Variants in GRIN2A observed in about 807,000 individuals in gnomAD.
The protein encoded by GRIN2A is glutamate ionotropic receptor NMDA type subunit 2A.
In GRIN2A, 22 loss-of-function variants were observed where a neutral mutation model predicts 113.4. That is an observed-to-expected ratio of 0.19 (90% CI 0.14 to 0.28). The LOEUF is 0.28. Ranked by LOEUF, GRIN2A falls within the 10% of genes least tolerant of loss-of-function variation. GRIN2A has a pLI of 1.00. For synonymous variants in GRIN2A, 827 were observed against 738.4 expected, an observed-to-expected ratio of 1.12 and a Z score of -1.94; for missense variants, 1,502 against 1,887.0, an observed-to-expected ratio of 0.80 and a Z score of 3.78.
intron 4 of GRIN2A, among the ~76,000 whole-genome samples, chr16:9,852,746 C>T (rs1484453290): frequency 6.6e-6 from 1 of 152,056 alleles, no homozygotes; most frequent in Non-Finnish European, 1.5e-5. Context: ...TCGTATATAC[C>T]AGATAAAGGA....
chr16:9,962,731 G>C (rs1186690554), intron 2 of GRIN2A, among the ~76,000 whole-genome samples: 1 of 152,062 alleles, frequency 6.6e-6, no homozygotes, highest in Admixed American at 6.5e-5. Flanking sequence ...CAGGGATCTA[G>C]AACTAGAAAT....
At chr16:9,921,140 TTTA>T (rs1251143675) in intron 3 of GRIN2A, among the ~76,000 whole-genome samples, 1 of 152,222 alleles carries the variant, frequency 6.6e-6, no homozygotes, top group Non-Finnish European at 1.5e-5. Flanking sequence ...TTCTGCCTGT[TTTA>T]TTATTGGCAA....
At chr16:9,897,583 C>T (rs1179716113) in intron 3 of GRIN2A, among the ~76,000 whole-genome samples, 3 of 151,920 alleles carry the variant, frequency 2.0e-5, no homozygotes, top group African/African-American at 2.4e-5. Context: ...TTGAAGACTT[C>T]GTATTTTTCA....
chr16:9,778,578 G>C (rs1199543765), intron 11 of GRIN2A, among the ~76,000 whole-genome samples: 1 of 152,212 alleles, frequency 6.6e-6, no homozygotes, highest in Non-Finnish European at 1.5e-5. Context: ...GCTGTTTTGA[G>C]AGCCACTGGC....
chr16:10,102,909 T>C (rs1365674916), intron 2 of GRIN2A, among the ~76,000 whole-genome samples: 1 of 152,236 alleles, frequency 6.6e-6, no homozygotes, highest in East Asian at 1.9e-4. Flanking sequence ...ACTCTTGCTC[T>C]GAGAGACGTA....
intron 2 of GRIN2A, among the ~76,000 whole-genome samples, chr16:10,177,712 C>T (rs1337565651): frequency 1.3e-5 from 2 of 152,194 alleles, no homozygotes; most frequent in African/African-American, 2.4e-5. Flanking sequence ...CCCATACTCC[C>T]TGGACTTCTC....
At chr16:10,093,394 C>T (rs949127051) in intron 2 of GRIN2A, among the ~76,000 whole-genome samples, 1 of 152,204 alleles carries the variant, frequency 6.6e-6, no homozygotes, top group Non-Finnish European at 1.5e-5. Context: ...CCCCATCTTA[C>T]TAGACCACTA....
At chr16:9,952,612 T>C (rs1022444631) in intron 2 of GRIN2A, among the ~76,000 whole-genome samples, 1 of 152,124 alleles carries the variant, frequency 6.6e-6, no homozygotes, top group Non-Finnish European at 1.5e-5. Context: ...ATAACTCATA[T>C]GATTTACTTA....
chr16:10,179,901 A>G (rs1483424492), intron 2 of GRIN2A, 97 bp downstream of exon 2: 1 of 769,436 alleles, frequency 1.3e-6, no homozygotes. Context: ...CCCACTTCAC[A>G]TCAAGACAGA....
At chr16:10,123,429 A>T (rs1339017363) in intron 2 of GRIN2A, among the ~76,000 whole-genome samples, 1 of 152,096 alleles carries the variant, frequency 6.6e-6, no homozygotes, top group African/African-American at 2.4e-5. Flanking sequence ...TAATTCCCTC[A>T]AGCAAAGGAA....
intron 10 of GRIN2A, among the ~76,000 whole-genome samples, chr16:9,807,389 AGAGG>A (rs368703970): frequency 0.029 from 1,405 of 49,052 alleles, 80 homozygotes; most frequent in African/African-American, 0.11. Flanking sequence ...GGGGAGGGAG[AGAGG>A]GAGGGAGGGA....
intron 4 of GRIN2A, among the ~76,000 whole-genome samples, chr16:9,867,513 C>T (rs946284239): frequency 1.3e-5 from 2 of 152,202 alleles, no homozygotes; most frequent in Non-Finnish European, 2.9e-5. Context: ...TCTAGCCTAA[C>T]ACGCATCCCA....
intron 12 of GRIN2A, among the ~76,000 whole-genome samples, chr16:9,766,424 T>A (rs1421983086): frequency 6.6e-6 from 1 of 152,178 alleles, no homozygotes; most frequent in East Asian, 1.9e-4. Flanking sequence ...CACAAAAGCC[T>A]ACAGTTGCAA....
intron 3 of GRIN2A, among the ~76,000 whole-genome samples, chr16:9,925,554 G>C (rs1232732494): frequency 6.6e-6 from 1 of 152,166 alleles, no homozygotes; most frequent in African/African-American, 2.4e-5. Context: ...CATTCAGGGA[G>C]TCTGCCACAC....
At chr16:10,076,225 T>A (rs774978830) in intron 2 of GRIN2A, among the ~76,000 whole-genome samples, 1 of 152,154 alleles carries the variant, frequency 6.6e-6, no homozygotes, top group Non-Finnish European at 1.5e-5. Context: ...GTCCTGCTGC[T>A]TGTGTTTGTT....
At chr16:10,039,842 T>C (rs979883360) in intron 2 of GRIN2A, among the ~76,000 whole-genome samples, 96 of 99,550 alleles carry the variant, frequency 9.6e-4, no homozygotes, top group Non-Finnish European at 1.3e-3. Context: ...AGAGGAGTCC[T>C]GGTCCACACC....
At chr16:10,035,337 C>T (rs1450480425) in intron 2 of GRIN2A, among the ~76,000 whole-genome samples, 3 of 152,116 alleles carry the variant, frequency 2.0e-5, no homozygotes, top group Non-Finnish European at 2.9e-5. Context: ...ATCCTCACTG[C>T]CCACCATGTG....
chr16:9,914,386 G>A (rs991883156), intron 3 of GRIN2A, among the ~76,000 whole-genome samples: 1 of 152,164 alleles, frequency 6.6e-6, no homozygotes, highest in African/African-American at 2.4e-5. Context: ...CACCATACTG[G>A]TTTCTATTTC....
chr16:9,940,338 T>C (rs1001262420), intron 2 of GRIN2A, among the ~76,000 whole-genome samples: 1 of 152,136 alleles, frequency 6.6e-6, no homozygotes, highest in African/African-American at 2.4e-5. Context: ...CTTCCAACAT[T>C]GCAGTTCCAT....
Sources: gnomAD v4.1 joint callset for allele counts (sites outside exome capture counted in the v4.1 genomes callset) on GRCh38, gnomAD v4.1.1 for gene constraint, MANE v1.5 for transcripts, NCBI Gene and HGNC (gene_info 2026-07-23, HGNC 2026-07-21) for gene names.